The following BUD31 variants were observed in gnomAD, a reference collection of about 807,000 sequenced individuals.
BUD31 encodes BUD31 spliceosome associated protein, also known as protein BUD31 homolog.
A neutral mutation model predicts 17.9 loss-of-function variants in BUD31; 9 were observed. The ratio of observed to expected loss-of-function variants is 0.50; its 90% CI spans 0.30 to 0.88. The LOEUF (loss-of-function observed/expected upper bound fraction) is 0.88, where lower values mean the gene tolerates loss of function less well. Ranked by LOEUF, BUD31 falls within the 40% of genes least tolerant of loss-of-function variation. The probability of loss-of-function intolerance (pLI) is 0.06; values close to 1 mark genes in which losing one functional copy is unlikely to be tolerated. For missense variants in BUD31, 148 were observed against 184.5 expected (o/e 0.80, Z 1.15); for synonymous variants, 70 against 64.7 (o/e 1.08, Z -0.39).
chr7:99,411,388 T>G (rs1375617762), intron 3 of BUD31: 32 of 488,188 alleles, frequency 6.6e-5, no homozygotes, highest in South Asian at 2.6e-4. Context: ...AGAAAAGGTG[T>G]TTTTTTTTGT....
At chr7:99,413,665 A>G (rs1170490620) in intron 3 of BUD31, among the ~76,000 whole-genome samples, 2 of 151,806 alleles carry the variant, frequency 1.3e-5, no homozygotes, top group African/African-American at 2.4e-5. Context: ...AATGTCAGCT[A>G]ACTGCAACCT....
At chr7:99,411,259 C>A in intron 3 of BUD31, 73 bp downstream of exon 3, 1 of 1,130,700 alleles carries the variant, frequency 8.8e-7, no homozygotes, top group South Asian at 1.3e-5. Context: ...AGGGGACAGG[C>A]ATAAATGCAA....
At chr7:99,409,293 A>C (rs1340123967) in intron 1 of BUD31, 48 bp downstream of exon 1, 1 of 152,154 alleles carries the variant, frequency 6.6e-6, no homozygotes, top group Non-Finnish European at 1.5e-5. Context: ...CTGGGTTCAG[A>C]TGCTGTCCTT....
In BUD31 at chr7:99,419,497, AC is replaced by A. The variant is rs1427255643; in HGVS notation, c.*61del. On this transcript the variant is annotated 3_prime_UTR_variant, in exon 6 of 6. Transcript: ENST00000222969. ...TTCGCAGGTTCCTGCCTGTCACGCC[AC>A]CCCCTTCCTGGGAGCAGCGAGCAGT... The A allele has an allele frequency of 3.8e-6, 6 of 1,596,334 alleles. No homozygotes were observed. Among genetic ancestry groups the A allele is most frequent in the African/African-American group, 1.3e-5 (1 of 74,528 alleles).
At chr7:99,415,334 G>C (rs1278646119) in intron 3 of BUD31, 2 of 444,980 alleles carry the variant, frequency 4.5e-6, no homozygotes, top group African/African-American at 4.1e-5. Flanking sequence ...AAGGCAGAGA[G>C]AGAGAGACAG....
chr7:99,411,044 A>G lies in BUD31; in HGVS notation c.-29-20A>G. The G allele has an allele frequency of 1.3e-6, 2 of 1,527,004 alleles. No homozygotes were observed. The highest frequency in any genetic ancestry group is 2.3e-5 in the East Asian group (1 of 44,266). 94.6% of individuals were successfully genotyped at this position (1,527,004 alleles called of 1,614,324 possible). On this transcript the variant is annotated intron_variant, in intron 2 of 5. Coordinates refer to ENST00000222969, the MANE Select transcript of BUD31 (RefSeq NM_003910.4). ...TTTGGGGATTTGAGACTCAGAAACC[A>G]ATTCATTTTTTTCCCCCAGATCTTT...
At chr7:99,411,346 G>A (rs3764815) in intron 3 of BUD31, 160 bp downstream of exon 3, 5 of 568,952 alleles carry the variant, frequency 8.8e-6, no homozygotes, top group African/African-American at 3.9e-5. Context: ...GTAAGTGCCC[G>A]AAAATAAGAT....
rs150153594 is a variant in BUD31 at position 99,416,149 on chromosome 7, C to T, written c.106C>T (p.Pro36Ser). 7 of 1,613,752 alleles carry T rather than the reference C, an allele frequency of 4.3e-6. No homozygotes were observed. The Admixed American group carries it at 1.2e-4, about 27-fold the overall frequency. ...TTGTTTCTCCCCAGCTGAAACAGAA[C>T]CGCATGAGGGAAAGAGGAAAGTGGA... ...DQKMREAETE[P>S]HEGKRKVESL... Residue 36 changes from proline to serine, a missense_variant, in exon 4 of 6, where the codon CCG becomes TCG. By Grantham distance (74) the Pro-to-Ser change is moderately conservative. Coordinates refer to ENST00000222969, the MANE Select transcript of BUD31 (RefSeq NM_003910.4).
chr7:99,411,296 A>G (rs1795174250), intron 3 of BUD31, 110 bp downstream of exon 3: 1 of 761,602 alleles, frequency 1.3e-6, no homozygotes, highest in Non-Finnish European at 2.2e-6. Flanking sequence ...GTCTACTAAC[A>G]CTGACATGTT....
intron 3 of BUD31, 35 bp from the exon 4 acceptor site, chr7:99,416,103 C>G: frequency 6.2e-7 from 1 of 1,609,832 alleles, no homozygotes. Context: ...CAGACCGACC[C>G]TATTCCCCCA....
In BUD31 at chr7:99,417,519, T is replaced by C; in HGVS notation, c.308T>C (p.Leu103Pro). 6.2e-7 allele frequency: 1 copy of C among 1,611,886 alleles called. No homozygotes were observed. The highest frequency in any genetic ancestry group is 8.5e-7 in the Non-Finnish European group (1 of 1,178,366). The change falls in exon 5 of 6, where the codon CTG (leucine) becomes CCG (proline). Residue 103 changes from leucine to proline, a missense_variant. Leu to Pro is a moderately conservative substitution (Grantham distance 98). Transcript: ENST00000222969. ...CAAGGATATGAGAACTTGTGCTGCCTGCGGTGCATTCAGACACGGGACACC... is the reference window on the plus strand; with the variant it reads ...CAAGGATATGAGAACTTGTGCTGCCCGCGGTGCATTCAGACACGGGACACC... ...KKQGYENLCC[L>P]RCIQTRDTNF...
chr7:99,417,927 C>G, intron 5 of BUD31: 2 of 1,275,218 alleles, frequency 1.6e-6, no homozygotes, highest in Non-Finnish European at 1.0e-6. Context: ...GAGTTCCTGT[C>G]CCTTTCAGTC....
chr7:99,417,036 A>T (rs1413202311), intron 4 of BUD31: 1 of 188,450 alleles, frequency 5.3e-6, no homozygotes, highest in Non-Finnish European at 1.1e-5. Flanking sequence ...TTCCTCCTCC[A>T]AGGACTGTCC....
intron 4 of BUD31, chr7:99,417,169 G>C: frequency 2.6e-6 from 1 of 383,114 alleles, no homozygotes; most frequent in South Asian, 2.3e-5. Context: ...TGATTCTCCT[G>C]CCTCAGCCTC....
intron 3 of BUD31, among the ~76,000 whole-genome samples, chr7:99,412,309 G>C (rs188011213): frequency 1.7e-4 from 26 of 152,344 alleles, no homozygotes; most frequent in Admixed American, 3.9e-4. Flanking sequence ...AAGAGATTTT[G>C]CAAGTCCTTG....
At chr7:99,417,308 C>T (rs988776056) in intron 4 of BUD31, 121 bp from the exon 5 acceptor site, 4 of 1,005,784 alleles carry the variant, frequency 4.0e-6, no homozygotes, top group Non-Finnish European at 6.1e-6. Flanking sequence ...CTGCCTCGGC[C>T]TCCCAAAGTG....
At chr7:99,411,743 C>T (rs1478375755) in intron 3 of BUD31, 5 of 455,358 alleles carry the variant, frequency 1.1e-5, no homozygotes, top group South Asian at 7.8e-5. Flanking sequence ...CTTGCTCTGT[C>T]TTCCAGGCTG....
intron 1 of BUD31, among the ~76,000 whole-genome samples, chr7:99,409,546 C>A (rs1795088181): frequency 6.6e-6 from 1 of 151,986 alleles, no homozygotes; most frequent in Non-Finnish European, 1.5e-5. Context: ...AGCGATCATT[C>A]TCTTGTCACA....
At chr7:99,416,286 T>C in intron 4 of BUD31, 26 bp downstream of exon 4, 1 of 1,603,352 alleles carries the variant, frequency 6.2e-7, no homozygotes, top group African/African-American at 1.3e-5. Context: ...CTCTTGGACT[T>C]TGAAGCTCGC....
Sources: allele counts gnomAD v4.1 joint callset (sites outside exome capture counted in the v4.1 genomes callset), GRCh38; gene constraint gnomAD v4.1.1; transcripts MANE v1.5; gene names NCBI Gene and HGNC (gene_info 2026-07-23, HGNC 2026-07-21).